The following DENND6A variants were observed in gnomAD, a reference collection of about 807,000 sequenced individuals.
DENND6A encodes DENN domain containing 6A.
In DENND6A, 43 loss-of-function variants were observed where a neutral mutation model predicts 95.5. The ratio of observed to expected loss-of-function variants is 0.45; its 90% CI spans 0.35 to 0.58. The LOEUF (loss-of-function observed/expected upper bound fraction) is 0.58. Ranked by LOEUF, DENND6A falls within the 20% of genes least tolerant of loss-of-function variation. The pLI, the probability that DENND6A is intolerant of heterozygous loss-of-function variation, is 0.00. For synonymous variants in DENND6A, 257 were observed against 260.4 expected (o/e 0.99, Z 0.13); for missense variants, 574 against 736.0 (o/e 0.78, Z 2.55).
At chr3:57,670,929 G>GA (rs1413456344) in intron 3 of DENND6A, among the ~76,000 whole-genome samples, 1 of 152,120 alleles carries the variant, frequency 6.6e-6, no homozygotes, top group Non-Finnish European at 1.5e-5. Context: ...GATTTTATAA[G>GA]AAAAATGTTA....
At chr3:57,630,904 T>C (rs1338276933) in intron 16 of DENND6A, 21 bp downstream of exon 16, 8 of 1,612,354 alleles carry the variant, frequency 5.0e-6, no homozygotes, top group Non-Finnish European at 5.9e-6. Context: ...AGGACCCAAA[T>C]AGATTTGAAT....
intron 1 of DENND6A, among the ~76,000 whole-genome samples, chr3:57,689,822 G>C (rs1454976347): frequency 6.6e-6 from 1 of 152,148 alleles, no homozygotes; most frequent in Admixed American, 6.5e-5. Flanking sequence ...CCAGCACTTT[G>C]GAAGACAGAG....
At chr3:57,657,431 CAATAT>C (rs2071348520) in intron 9 of DENND6A, among the ~76,000 whole-genome samples, 1 of 152,032 alleles carries the variant, frequency 6.6e-6, no homozygotes, top group Non-Finnish European at 1.5e-5. Context: ...AACATTATTA[CAATAT>C]AATTCTCACA....
At position 57,676,326 on chromosome 3, in the gene DENND6A, G is replaced by A. The variant is rs573314011; in HGVS notation, c.238-3888C>T. Among the ~76,000 whole-genome samples, 36 of 142,364 alleles carry A rather than the reference G, an allele frequency of 2.5e-4. No homozygotes were observed. In the South Asian group the frequency reaches 8.1e-3, roughly 32 times the overall value. The allele number at this position is 142,364 out of a possible 152,430, so 93.4% of individuals were successfully genotyped here. A position where few individuals can be genotyped will look rare whatever the true frequency, so the allele number is the denominator to read the frequency against. Reference sequence around the variant, plus strand: ...ACCTGGGAGGCAGAGGTTGCAGTGAGCTGAAATCACACCACTGCCCTTCAG... The same window carrying A: ...ACCTGGGAGGCAGAGGTTGCAGTGAACTGAAATCACACCACTGCCCTTCAG... On this transcript the variant is annotated intron_variant, in intron 1 of 19. Transcript: ENST00000311128.
At chr3:57,691,299 A>C (rs1022549827) in intron 1 of DENND6A, among the ~76,000 whole-genome samples, 30 of 152,304 alleles carry the variant, frequency 2.0e-4, no homozygotes, top group Non-Finnish European at 8.8e-5. Context: ...TGTTTTTCTT[A>C]CTTTAATAAG....
chr3:57,667,735 A>T (rs1379487082), intron 3 of DENND6A, among the ~76,000 whole-genome samples: 2 of 152,226 alleles, frequency 1.3e-5, no homozygotes, highest in Non-Finnish European at 2.9e-5. Flanking sequence ...ATATATATTT[A>T]GAAACTTTCA....
At position 57,638,940 on chromosome 3, in the gene DENND6A, A is replaced by C. The variant is rs77210951; in HGVS notation, c.1132+2713T>G. Among the ~76,000 whole-genome samples the C allele has an allele frequency of 0.011, 1,730 of 152,046 alleles. 65 individuals carry two copies. The East Asian group carries it at 0.13, about 12-fold the overall frequency. On this transcript the variant is annotated intron_variant, in intron 12 of 19. Coordinates refer to ENST00000311128, the MANE Select transcript of DENND6A (RefSeq NM_152678.3). ...TGCAAGATCCTGTCTCTACAGAAAA[A>C]ATAAAAAATTAGCCAGGCGTGGTGG...
chr3:57,629,678 ATTTTTTTTTTT>A (rs1208541846), intron 18 of DENND6A, among the ~76,000 whole-genome samples: 1 of 136,494 alleles, frequency 7.3e-6, no homozygotes, highest in Non-Finnish European at 1.6e-5. Flanking sequence ...CGCCCGGCTA[ATTTTTTTTTTT>A]TTTTTTGTAT....
At chr3:57,656,443 GT>G (rs1285682062) in intron 9 of DENND6A, among the ~76,000 whole-genome samples, 1 of 151,956 alleles carries the variant, frequency 6.6e-6, no homozygotes, top group African/African-American at 2.4e-5. Flanking sequence ...GGATACTTCG[GT>G]TGTGTATAGT....
intron 15 of DENND6A, among the ~76,000 whole-genome samples, chr3:57,631,354 G>A (rs765267120): frequency 2.6e-5 from 4 of 152,034 alleles, no homozygotes; most frequent in Admixed American, 2.0e-4. Context: ...GCGCCACCAC[G>A]CCTGGCTAAT....
At chr3:57,657,959 A>G (rs1425858972) in intron 8 of DENND6A, among the ~76,000 whole-genome samples, 1 of 152,190 alleles carries the variant, frequency 6.6e-6, no homozygotes, top group Non-Finnish European at 1.5e-5. Context: ...AATCCCGGCC[A>G]GGCATGACAG....
chr3:57,650,761 C>A (rs1368130317), intron 9 of DENND6A, among the ~76,000 whole-genome samples: 1 of 150,412 alleles, frequency 6.6e-6, no homozygotes, highest in Non-Finnish European at 1.5e-5. Context: ...AATGGATAGA[C>A]AAAATGTAGT....
chr3:57,628,547 CATA>C (rs1409062068), intron 19 of DENND6A, among the ~76,000 whole-genome samples: 2 of 152,080 alleles, frequency 1.3e-5, no homozygotes, highest in African/African-American at 4.8e-5. Context: ...TATGTAAATT[CATA>C]ATAATACCTA....
intron 12 of DENND6A, among the ~76,000 whole-genome samples, chr3:57,637,851 A>G (rs1483454541): frequency 2.6e-5 from 4 of 151,802 alleles, no homozygotes; most frequent in African/African-American, 9.7e-5. Flanking sequence ...ACTCCTGTGC[A>G]CAGGCCGGGC....
intron 8 of DENND6A, among the ~76,000 whole-genome samples, chr3:57,658,763 T>C (rs1421554059): frequency 6.6e-6 from 1 of 152,160 alleles, no homozygotes; most frequent in Admixed American, 6.5e-5. Context: ...TAAAGGGCAA[T>C]TGTAACTACA....
At chr3:57,658,481 T>C (rs963087772) in intron 8 of DENND6A, among the ~76,000 whole-genome samples, 3 of 152,172 alleles carry the variant, frequency 2.0e-5, no homozygotes, top group East Asian at 3.9e-4. Context: ...TGAACTACGA[T>C]TGTGCCACCG....
chr3:57,655,303 G>C (rs1377759930), intron 9 of DENND6A, among the ~76,000 whole-genome samples: 3 of 152,192 alleles, frequency 2.0e-5, no homozygotes, highest in African/African-American at 4.8e-5. Flanking sequence ...AAAGTGCTGG[G>C]ATTACAGGCG....
chr3:57,653,197 C>G (rs1260626321), intron 9 of DENND6A, among the ~76,000 whole-genome samples: 1 of 152,086 alleles, frequency 6.6e-6, no homozygotes, highest in Non-Finnish European at 1.5e-5. Flanking sequence ...ATGAAAAAGG[C>G]CTACATGAAA....
At chr3:57,673,883 C>T (rs939168861) in intron 1 of DENND6A, among the ~76,000 whole-genome samples, 23 of 152,080 alleles carry the variant, frequency 1.5e-4, no homozygotes, top group African/African-American at 5.5e-4. Flanking sequence ...AAATCTCCTG[C>T]CTCAGCCTCC....
Sources: gnomAD v4.1 joint callset for allele counts (sites outside exome capture counted in the v4.1 genomes callset) on GRCh38, gnomAD v4.1.1 for gene constraint, MANE v1.5 for transcripts, NCBI Gene and HGNC (gene_info 2026-07-23, HGNC 2026-07-21) for gene names.